Variants in SLC24A2 observed in about 807,000 individuals in gnomAD.
The protein encoded by SLC24A2 is sodium/potassium/calcium exchanger 2.
Under a neutral mutation model 62.0 loss-of-function variants are expected in SLC24A2, and 36 were observed. That is an observed-to-expected ratio of 0.58 (90% confidence interval 0.44 to 0.77). SLC24A2 has a LOEUF of 0.77. Among genes scored for constraint, SLC24A2 ranks in the 30% least tolerant of loss-of-function variants. SLC24A2 has a pLI of 0.00. For synonymous variants in SLC24A2, 358 were observed against 294.0 expected (o/e 1.22, Z -2.23); for missense variants, 846 against 817.9 (o/e 1.03, Z -0.42).
rs572919824 is a variant in SLC24A2, at chr9:19,525,391, C to CTTTTTTTTTTT, written c.1569+2647_1569+2657dup. On this transcript the variant is annotated intron_variant, in intron 9 of 10. Transcript: ENST00000341998. ...AAGGTTTTTTTTTCCTATTTCTTTA[C>CTTTTTTTTTTT]TTTTTTTTTTTTTTTTTTTTTTTTT... 2.0e-3 allele frequency among the ~76,000 whole-genome samples: 151 copies of CTTTTTTTTTTT among 76,372 alleles called. 16 individuals carry two copies. The highest frequency in any genetic ancestry group is 4.5e-3 in the African/African-American group (80 of 17,612). 50.1% of individuals were successfully genotyped at this position (76,372 alleles called of 152,430 possible). A position where few individuals can be genotyped will look rare whatever the true frequency, so the allele number is the denominator to read the frequency against.
the SLC24A2 span, among the ~76,000 whole-genome samples, chr9:19,879,935 G>C: frequency 6.6e-6 from 1 of 151,852 alleles, no homozygotes; most frequent in Non-Finnish European, 1.5e-5. Context: ...TCTTAAACCT[G>C]GTTCTTAACA....
At chr9:20,026,460 A>T in the SLC24A2 span, among the ~76,000 whole-genome samples, 1 of 152,164 alleles carries the variant, frequency 6.6e-6, no homozygotes, top group African/African-American at 2.4e-5. Context: ...CCCTAGGACC[A>T]TTTGCAGATT....
the SLC24A2 span, among the ~76,000 whole-genome samples, chr9:19,939,282 GTATACT>G: frequency 6.6e-6 from 1 of 152,308 alleles, no homozygotes; most frequent in South Asian, 2.1e-4. Flanking sequence ...ACATCATGGA[GTATACT>G]TATACAAACC....
chr9:19,764,905 C>G (rs1822464020), intron 2 of SLC24A2, among the ~76,000 whole-genome samples: 1 of 152,110 alleles, frequency 6.6e-6, no homozygotes. Context: ...GTTAAAGTCT[C>G]CCACTATTAC....
intron 5 of SLC24A2, among the ~76,000 whole-genome samples, chr9:19,589,296 T>A (rs1836477763): frequency 6.6e-6 from 1 of 152,142 alleles, no homozygotes; most frequent in Admixed American, 6.5e-5. Context: ...GTTGTTAAAA[T>A]GAACGAAGAA....
intron 2 of SLC24A2, among the ~76,000 whole-genome samples, chr9:19,645,971 G>A (rs771807878): frequency 6.6e-6 from 1 of 152,098 alleles, no homozygotes. Context: ...TGTGATCTTG[G>A]GAAAGGCATT....
At chr9:19,904,767 T>C in the SLC24A2 span, among the ~76,000 whole-genome samples, 1 of 152,164 alleles carries the variant, frequency 6.6e-6, no homozygotes, top group Non-Finnish European at 1.5e-5. Context: ...ACTCATTTCT[T>C]ACTGAATGGA....
At chr9:19,789,226 G>T (rs933805736), upstream of SLC24A2, among the ~76,000 whole-genome samples, 2 of 152,268 alleles carry the variant, frequency 1.3e-5, no homozygotes, top group African/African-American at 4.8e-5. Context: ...CCGCAGTGTG[G>T]ACGGGGGTCA....
At chr9:20,279,137 T>C in the SLC24A2 span, among the ~76,000 whole-genome samples, 6 of 152,314 alleles carry the variant, frequency 3.9e-5, no homozygotes, top group Admixed American at 2.6e-4. Flanking sequence ...TTTGATTTTC[T>C]CCAACTAGGT....
chr9:19,971,225 G>T, the SLC24A2 span, among the ~76,000 whole-genome samples: 10 of 152,264 alleles, frequency 6.6e-5, no homozygotes, highest in African/African-American at 2.2e-4. Context: ...CCCTGCACAA[G>T]ACAAAAAGAA....
At chr9:19,939,199 G>C in the SLC24A2 span, among the ~76,000 whole-genome samples, 751 of 152,318 alleles carry the variant, frequency 4.9e-3, 6 homozygotes, top group African/African-American at 0.016. Flanking sequence ...CTAAGTGTTT[G>C]GCCCTCTAAA....
At chr9:19,630,521 C>G (rs1379116614) in intron 2 of SLC24A2, among the ~76,000 whole-genome samples, 3 of 152,036 alleles carry the variant, frequency 2.0e-5, no homozygotes, top group Admixed American at 1.3e-4. Flanking sequence ...ATACGTATAA[C>G]TTTTCATATT....
At chr9:20,054,316 C>T in the SLC24A2 span, among the ~76,000 whole-genome samples, 2 of 152,052 alleles carry the variant, frequency 1.3e-5, no homozygotes, top group Admixed American at 1.3e-4. Flanking sequence ...CTCAGCCTCC[C>T]AAGTAGCTGG....
At chr9:20,200,025 C>A in the SLC24A2 span, among the ~76,000 whole-genome samples, 1 of 151,812 alleles carries the variant, frequency 6.6e-6, no homozygotes, top group African/African-American at 2.4e-5. Flanking sequence ...GACACCGCGA[C>A]CAGCTGATAT....
At chr9:19,540,272 C>T (rs1011414787) in intron 8 of SLC24A2, among the ~76,000 whole-genome samples, 19 of 139,874 alleles carry the variant, frequency 1.4e-4, no homozygotes, top group Admixed American at 7.1e-4. Flanking sequence ...TGATTTTGCT[C>T]GTTAGTTGAT....
chr9:19,595,097 C>T (rs566978981), intron 5 of SLC24A2, among the ~76,000 whole-genome samples: 2 of 152,298 alleles, frequency 1.3e-5, no homozygotes, highest in South Asian at 4.1e-4. Context: ...AGCGTTTCCA[C>T]AAAGGTTCCA....
At chr9:19,758,765 A>G (rs1242126437) in intron 2 of SLC24A2, among the ~76,000 whole-genome samples, 2 of 152,178 alleles carry the variant, frequency 1.3e-5, no homozygotes, top group African/African-American at 4.8e-5. Context: ...CCTTTTAAAT[A>G]ATGCTATATT....
At chr9:20,242,985 C>A in the SLC24A2 span, among the ~76,000 whole-genome samples, 1 of 152,076 alleles carries the variant, frequency 6.6e-6, no homozygotes, top group African/African-American at 2.4e-5. Flanking sequence ...GTTTCATTTC[C>A]CGTGCATAAG....
the SLC24A2 span, among the ~76,000 whole-genome samples, chr9:20,284,163 A>G: frequency 6.6e-6 from 1 of 152,226 alleles, no homozygotes; most frequent in African/African-American, 2.4e-5. Context: ...TGCCCCACTC[A>G]TGCCTAACTA....
Sources: allele counts gnomAD v4.1 joint callset (sites outside exome capture counted in the v4.1 genomes callset), GRCh38; gene constraint gnomAD v4.1.1; transcripts MANE v1.5; gene names NCBI Gene and HGNC (gene_info 2026-07-23, HGNC 2026-07-21).